Variants in DELE1 observed in about 807,000 individuals in gnomAD.
DELE1 encodes the protein death ligand signal enhancer.
DELE1 carries 54 observed loss-of-function variants against 59.3 expected under a neutral mutation model. That is an observed-to-expected ratio of 0.91 (90% CI 0.73 to 1.14). The LOEUF (loss-of-function observed/expected upper bound fraction) is 1.14. DELE1 is among the 50% of genes most tolerant of loss of function. DELE1 has a pLI of 0.00. For missense variants in DELE1, 636 were observed against 643.9 expected, an observed-to-expected ratio of 0.99 and a Z score of 0.13; for synonymous variants, 264 against 259.1, an observed-to-expected ratio of 1.02 and a Z score of -0.18.
chr5:141,935,781 T>G (rs1338455034), intron 10 of DELE1, among the ~76,000 whole-genome samples: 2 of 152,202 alleles, frequency 1.3e-5, no homozygotes, highest in African/African-American at 4.8e-5. Flanking sequence ...AGGAGAAATG[T>G]ACAAAAGGAT....
intron 10 of DELE1, 38 bp downstream of exon 10, chr5:141,934,624 G>A (rs1446258904): frequency 2.5e-6 from 4 of 1,586,500 alleles, no homozygotes; most frequent in African/African-American, 1.3e-5. Flanking sequence ...TGGGGATGAA[G>A]CCTGATAAGA....
chr5:141,930,396 G>T, intron 7 of DELE1, 122 bp downstream of exon 7: 1 of 698,954 alleles, frequency 1.4e-6, no homozygotes, highest in Non-Finnish European at 2.4e-6. Context: ...TCCCAGGTAG[G>T]TAGACCAAAT....
chr5:141,924,015 G>A, intron 1 of DELE1, 43 bp downstream of exon 1: 1 of 1,595,710 alleles, frequency 6.3e-7, no homozygotes, highest in Non-Finnish European at 8.5e-7. Context: ...GGGCCGCAAA[G>A]ACCGAACTGG....
Position 141,929,971 on chromosome 5 carries a change from T to TCGGCCTTTCCCTTGCAGGTCC in DELE1, c.572-14_578dup. 6.2e-7 allele frequency: 1 copy of TCGGCCTTTCCCTTGCAGGTCC among 1,612,096 alleles called. No homozygotes were observed. ...CTTTCTCCTTTGCCCTGGCCGGGTGTCGGCCTTTCCCTTGCAGGTCCCGGT... is the reference window on the plus strand; with the variant it reads ...CTTTCTCCTTTGCCCTGGCCGGGTGTCGGCCTTTCCCTTGCAGGTCCCGGCCTTTCCCTTGCAGGTCCCGGT... On this transcript the variant is annotated splice_polypyrimidine_tract_variant and intron_variant, in intron 5 of 11. Transcript: ENST00000432126.
chr5:141,929,846 C>G (rs189652814), intron 5 of DELE1, 106 bp downstream of exon 5: 3 of 1,517,878 alleles, frequency 2.0e-6, no homozygotes. Flanking sequence ...CCTGTGAGGT[C>G]CCATGCCTTG....
chr5:141,929,780 CGGT>C (rs1561512468), intron 5 of DELE1, 40 bp downstream of exon 5: 16 of 1,607,520 alleles, frequency 1.0e-5, no homozygotes, highest in East Asian at 2.2e-5. Flanking sequence ...AGGCAGGGGG[CGGT>C]GGTGGTGAGC....
At chr5:141,927,720 A>C (rs1485602838) in intron 3 of DELE1, among the ~76,000 whole-genome samples, 1 of 151,870 alleles carries the variant, frequency 6.6e-6, no homozygotes, top group African/African-American at 2.4e-5. Flanking sequence ...CTAATGGGGA[A>C]CTCTGACCTG....
intron 10 of DELE1, 64 bp downstream of exon 10, chr5:141,934,650 C>A: frequency 6.8e-7 from 1 of 1,475,308 alleles, no homozygotes; most frequent in Non-Finnish European, 9.5e-7. Context: ...GATTTTGGAA[C>A]TGGTACTGAG....
At chr5:141,924,449 G>T in intron 1 of DELE1, 132 bp from the exon 2 acceptor site, 1 of 650,766 alleles carries the variant, frequency 1.5e-6, no homozygotes, top group Non-Finnish European at 2.8e-6. Context: ...ATTGGTTCTG[G>T]GGTACTACCC....
Position 141,933,271 on chromosome 5 carries a change from T to A in DELE1, c.767T>A (p.Met256Lys). The A allele has an allele frequency of 1.3e-6, 2 of 1,555,366 alleles. No individual in the cohort carries two copies. The highest frequency in any genetic ancestry group is 1.8e-6 in the Non-Finnish European group (2 of 1,137,830). The part of the protein sequence containing the change: ...IAFNFLGTEN[M>K]KSGDHTAAFS... ...TGCCTTCTTACAGGAACAGAGAACATGAAGAGTGGCGACCACACGGCAGCC... is the reference window on the plus strand; with the variant it reads ...TGCCTTCTTACAGGAACAGAGAACAAGAAGAGTGGCGACCACACGGCAGCC... The change falls in exon 8 of 12, where the codon ATG (methionine) becomes AAG (lysine). Residue 256 changes from methionine to lysine, a missense_variant. By Grantham distance (95) the Met-to-Lys change is moderately conservative. Transcript: ENST00000432126.
intron 7 of DELE1, among the ~76,000 whole-genome samples, chr5:141,932,901 C>A (rs1752025260): frequency 1.3e-5 from 2 of 151,884 alleles, no homozygotes; most frequent in Non-Finnish European, 2.9e-5. Flanking sequence ...TTGAGACAAG[C>A]CTGGCCAACA....
intron 10 of DELE1, 128 bp downstream of exon 10, chr5:141,934,714 T>A: frequency 1.1e-6 from 1 of 890,750 alleles, no homozygotes; most frequent in Non-Finnish European, 1.8e-6. Context: ...GCTTCAAGCC[T>A]TAGCGCTCAC....
intron 3 of DELE1, 21 bp downstream of exon 3, chr5:141,925,548 T>C: frequency 6.7e-7 from 1 of 1,489,104 alleles, no homozygotes; most frequent in Non-Finnish European, 9.2e-7. Flanking sequence ...CCCAGCCTGG[T>C]CCTTGACCTT....
rs1337212262 is a variant in DELE1 at position 141,928,244 on chromosome 5, T to A, written c.358T>A (p.Trp120Arg). ...ACCTCAGCGGGTAGAACACTGCTCC[T>A]GGCACAGTCCCCTGGACCGTTTCTT... is the stretch of plus-strand genomic sequence containing the variant. ...AGPQRVEHCSWHSPLDRFFSS... is the reference protein window; with the variant it reads ...AGPQRVEHCSRHSPLDRFFSS... The change falls in exon 4 of 12, where the codon TGG becomes AGG. Residue 120 changes from tryptophan (W) to arginine (R), a missense_variant. Transcript: ENST00000432126. 6.2e-7 allele frequency: 1 copy of A among 1,614,238 alleles called. No individual in the cohort carries two copies. Among genetic ancestry groups the A allele is most frequent in the Admixed American group, 1.7e-5 (1 of 60,018 alleles).
intron 7 of DELE1, among the ~76,000 whole-genome samples, chr5:141,930,873 A>G (rs928608595): frequency 1.6e-4 from 24 of 152,078 alleles, no homozygotes; most frequent in Admixed American, 1.0e-3. Context: ...CACAGCATCT[A>G]TTGGGGTCTA....
rs371976660 is a variant in DELE1, at chr5:141,925,265, C to T, written c.147-145C>T. On this transcript the variant is annotated intron_variant, in intron 2 of 11. Coordinates refer to ENST00000432126, the MANE Select transcript of DELE1 (RefSeq NM_014773.5). ...TTTAGTAGAGATGGGGTTTCACCAT[C>T]TTGACCAGGCTGGTCTTGAACTCCT... The T allele has an allele frequency of 1.6e-4, 74 of 464,606 alleles. No homozygotes were observed. The South Asian group carries it at 2.0e-3, about 12-fold the overall frequency. The allele number at this position is 464,606 out of a possible 1,614,324, so 28.8% of individuals were successfully genotyped here.
In DELE1 at chr5:141,941,079, T is replaced by C; in HGVS notation, c.*2320T>C. On this transcript the variant is annotated 3_prime_UTR_variant, in exon 12 of 12. Coordinates refer to ENST00000432126, the MANE Select transcript of DELE1 (RefSeq NM_014773.5). ...TTTTGAGCCTTCCTGGGGCACCCTC[T>C]GCGTGAAATGTCACCGTGTGCCCTC... 1.0e-6 allele frequency: 1 copy of C among 985,466 alleles called. No homozygotes were observed. The highest frequency in any genetic ancestry group is 1.2e-6 in the Non-Finnish European group (1 of 829,944). The allele number at this position is 985,466 out of a possible 1,614,324, so 61.0% of individuals were successfully genotyped here. A position where few individuals can be genotyped will look rare whatever the true frequency, so the allele number is the denominator to read the frequency against.
rs768640265 is a variant in DELE1, at chr5:141,934,517, T to C, written c.1080T>C (p.Leu360=). The C allele has an allele frequency of 6.2e-7, 1 of 1,614,098 alleles. No individual in the cohort carries two copies. Among genetic ancestry groups the C allele is most frequent in the African/African-American group, 1.3e-5 (1 of 74,940 alleles). ...AGGCCCAAGCTTTCCTCGGGGTGCT[T>C]TTCACCAAGGAGCCCTACCTGGATG... The part of the protein sequence containing the change: ...LREAQAFLGV[L]FTKEPYLDEQ... The change falls in exon 10 of 12, where the codon CTT becomes CTC. Residue 360 remains leucine (L), a synonymous_variant. Transcript: ENST00000432126.
In DELE1 at chr5:141,929,996, T is replaced by C; in HGVS notation, c.579T>C (p.Gly193=). ...RPQDPSEEGP[G]DFGFLHASSS... ...TCGGCCTTTCCCTTGCAGGTCCCGG[T>C]GATTTTGGCTTCCTGCATGCCAGTA... Residue 193 remains glycine, a synonymous_variant, in exon 6 of 12, where the codon GGT becomes GGC. Coordinates refer to ENST00000432126, the MANE Select transcript of DELE1 (RefSeq NM_014773.5). 4 of 1,614,066 alleles carry C rather than the reference T, an allele frequency of 2.5e-6. No homozygotes were observed. The highest frequency in any genetic ancestry group is 3.4e-6 in the Non-Finnish European group (4 of 1,179,994).
Sources: gnomAD v4.1 joint callset for allele counts (sites outside exome capture counted in the v4.1 genomes callset) on GRCh38, gnomAD v4.1.1 for gene constraint, MANE v1.5 for transcripts, NCBI Gene and HGNC (gene_info 2026-07-23, HGNC 2026-07-21) for gene names.